Variants in CHDH observed in about 807,000 individuals in gnomAD.
The protein encoded by CHDH is choline dehydrogenase.
A neutral mutation model predicts 56.9 loss-of-function variants in CHDH; 43 were observed. That is an observed-to-expected ratio of 0.76 (90% CI 0.59 to 0.97). The LOEUF (loss-of-function observed/expected upper bound fraction) is 0.97. Among genes scored for constraint, CHDH ranks in the 50% least tolerant of loss-of-function variants. CHDH has a pLI of 0.00. For missense variants in CHDH, 816 were observed against 821.1 expected, an observed-to-expected ratio of 0.99 and a Z score of 0.08; for synonymous variants, 364 against 348.5, an observed-to-expected ratio of 1.04 and a Z score of -0.50.
At chr3:53,823,257 G>A (rs552634339) in intron 3 of CHDH, 49 bp downstream of exon 3, 3 of 1,427,142 alleles carry the variant, frequency 2.1e-6, no homozygotes, top group Admixed American at 2.7e-5. Flanking sequence ...ATGGGTGGGG[G>A]CTGGGGTAGG....
In CHDH at chr3:53,820,615, C is replaced by T. The variant is rs376665893; in HGVS notation, c.986-7G>A. On this transcript the variant is annotated splice_region_variant and splice_polypyrimidine_tract_variant and intron_variant, in intron 5 of 8. Coordinates refer to ENST00000315251, the MANE Select transcript of CHDH (RefSeq NM_018397.5). The stretch of plus-strand genomic sequence containing the variant: ...TGCAGGTTCTGGCCAACCCCTGATA[C>T]GGGAAGGAGTGGTTTAGAAAATGGC... 3.1e-5 allele frequency: 50 copies of T among 1,607,828 alleles called. No homozygotes were observed. The highest frequency in any genetic ancestry group is 9.4e-5 in the African/African-American group (7 of 74,716).
chr3:53,846,395 A>T lies in CHDH; in HGVS notation c.-443T>A. On this transcript the variant is annotated 5_prime_UTR_variant, in exon 1 of 9. The change abolishes an upstream ATG in the 5' untranslated region. Coordinates refer to ENST00000315251, the MANE Select transcript of CHDH (RefSeq NM_018397.5). ...CTCCGCCAGCGCTCGGACACGGCCC[A>T]TCCCTCCGAGCCCCAGCAGGCGAGG... is the stretch of plus-strand genomic sequence containing the variant. 1 of 538,812 alleles carries T rather than the reference A, an allele frequency of 1.9e-6. No homozygotes were observed. The highest frequency in any genetic ancestry group is 3.1e-6 in the Non-Finnish European group (1 of 321,244). The allele number at this position is 538,812 out of a possible 1,614,324, so 33.4% of individuals were successfully genotyped here. A position where few individuals can be genotyped will look rare whatever the true frequency, so the allele number is the denominator to read the frequency against.
intron 8 of CHDH, 43 bp from the exon 9 acceptor site, chr3:53,818,238 G>A (rs756549237): frequency 7.3e-6 from 11 of 1,514,456 alleles, no homozygotes; most frequent in Admixed American, 4.2e-5. Context: ...CCTTTTGCCC[G>A]TGCTGGCCTC....
chr3:53,833,792 A>T (rs1698412774), intron 2 of CHDH, among the ~76,000 whole-genome samples: 1 of 152,076 alleles, frequency 6.6e-6, no homozygotes, highest in Non-Finnish European at 1.5e-5. Flanking sequence ...TTGCCAACTG[A>T]CAAGCACGAG....
chr3:53,823,792 C>T lies in CHDH; in HGVS notation c.217G>A (p.Gly73Arg), dbSNP rs745530620. The stretch of plus-strand genomic sequence containing the variant: ...CTCCCCGCGAGCACGTCCTTGGGCC[C>T]GGCCTCCAGCAGCAGCACGCGCTCG... ...PAERVLLLEA[G>R]PKDVLAGSKR... is the part of the protein sequence containing the mutation. Residue 73 changes from glycine to arginine, a missense_variant, in exon 3 of 9, where the codon GGG becomes AGG. By Grantham distance (125) the Gly-to-Arg change is moderately radical. Transcript: ENST00000315251. 6.3e-7 allele frequency: 1 copy of T among 1,576,554 alleles called. No individual in the cohort carries two copies. The highest frequency in any genetic ancestry group is 8.6e-7 in the Non-Finnish European group (1 of 1,164,846).
intron 8 of CHDH, 36 bp from the exon 9 acceptor site, chr3:53,818,231 T>C: frequency 6.5e-7 from 1 of 1,545,848 alleles, no homozygotes; most frequent in Non-Finnish European, 8.7e-7. Context: ...GACCCCTCCT[T>C]TTGCCCGTGC....
At chr3:53,834,648 G>T (rs375091117) in intron 2 of CHDH, among the ~76,000 whole-genome samples, 1 of 152,194 alleles carries the variant, frequency 6.6e-6, no homozygotes, top group Non-Finnish European at 1.5e-5. Flanking sequence ...CACCATTCCA[G>T]GAGTACCCAT....
intron 2 of CHDH, among the ~76,000 whole-genome samples, chr3:53,838,155 C>T (rs1236205748): frequency 1.3e-5 from 2 of 152,066 alleles, no homozygotes; most frequent in East Asian, 1.9e-4. Flanking sequence ...CGCTCAACCT[C>T]CACGGATGGC....
In CHDH at chr3:53,824,039, C is replaced by A. The variant is rs1341337040; in HGVS notation, c.-31G>T. On this transcript the variant is annotated 5_prime_UTR_variant, in exon 3 of 9. Coordinates refer to ENST00000315251, the MANE Select transcript of CHDH (RefSeq NM_018397.5). ...TATCTAGTCCAAGTCCTCTGATCCA[C>A]GGAGGGGAATGAGATGACTCACTTC... 5.6e-6 allele frequency: 8 copies of A among 1,420,782 alleles called. No homozygotes were observed. The highest frequency in any genetic ancestry group is 7.3e-6 in the Non-Finnish European group (8 of 1,094,458). 88.0% of individuals were successfully genotyped at this position (1,420,782 alleles called of 1,614,324 possible). A position where few individuals can be genotyped will look rare whatever the true frequency, so the allele number is the denominator to read the frequency against.
intron 2 of CHDH, among the ~76,000 whole-genome samples, chr3:53,828,606 C>A (rs1017377090): frequency 2.6e-4 from 40 of 152,176 alleles, no homozygotes; most frequent in Admixed American, 5.9e-4. Flanking sequence ...AGACACCTCA[C>A]TAAAGAAGAC....
At chr3:53,818,804 G>A (rs1009706665) in intron 8 of CHDH, 134 bp downstream of exon 8, 1 of 717,904 alleles carries the variant, frequency 1.4e-6, no homozygotes, top group African/African-American at 1.7e-5. Flanking sequence ...AGCCTAAAGT[G>A]ACACGGTGGG....
chr3:53,846,116 G>A lies in CHDH; in HGVS notation c.-164C>T, dbSNP rs1698872625. On this transcript the variant is annotated 5_prime_UTR_variant, in exon 1 of 9. Transcript: ENST00000315251. Reference sequence around the variant, plus strand: ...ACTCGGCCGAGAGCCCGACAGTCGGGACCGGAGCGGGAGGAGCGGGTGGCC... The same window carrying A: ...ACTCGGCCGAGAGCCCGACAGTCGGAACCGGAGCGGGAGGAGCGGGTGGCC... The A allele has an allele frequency of 6.5e-6, 1 of 152,870 alleles. No homozygotes were observed. Among genetic ancestry groups the A allele is most frequent in the African/African-American group, 2.4e-5 (1 of 41,470 alleles). 9.5% of individuals were successfully genotyped at this position (152,870 alleles called of 1,614,324 possible). A position where few individuals can be genotyped will look rare whatever the true frequency, so the allele number is the denominator to read the frequency against.
chr3:53,819,752 T>C lies in CHDH; in HGVS notation c.1121-78A>G. ...GGCCGGCTGCTCCTGGTTTCCCTCCTTTCTCCTGGCCGCTCCTCTTCCTTT... is the reference window on the plus strand; with the variant it reads ...GGCCGGCTGCTCCTGGTTTCCCTCCCTTCTCCTGGCCGCTCCTCTTCCTTT... On this transcript the variant is annotated intron_variant, in intron 6 of 8. Coordinates refer to ENST00000315251, the MANE Select transcript of CHDH (RefSeq NM_018397.5). The surrounding 1 kb of genome is among the most constrained non-coding windows in gnomAD (Gnocchi z 5.4). The C allele has an allele frequency of 6.9e-7, 1 of 1,452,586 alleles. No homozygotes were observed. Among genetic ancestry groups the C allele is most frequent in the East Asian group, 2.5e-5 (1 of 39,226 alleles). 90.0% of individuals were successfully genotyped at this position (1,452,586 alleles called of 1,614,324 possible).
In CHDH at chr3:53,819,465, TGGGA is replaced by T; in HGVS notation, c.1263+63_1263+66del. On this transcript the variant is annotated intron_variant, in intron 7 of 8. Transcript: ENST00000315251. The surrounding 1 kb of genome is among the most constrained non-coding windows in gnomAD (Gnocchi z 5.4). ...CCAGGGAGAATGCTGCCTTGGAAGA[TGGGA>T]GCATCTTCCTTCCTGGTGGGAAGGA... 1 of 1,544,356 alleles carries T rather than the reference TGGGA, an allele frequency of 6.5e-7. No homozygotes were observed. The highest frequency in any genetic ancestry group is 1.3e-5 in the South Asian group (1 of 79,690).
chr3:53,839,306 C>T (rs1698601125), intron 2 of CHDH, among the ~76,000 whole-genome samples: 1 of 152,208 alleles, frequency 6.6e-6, no homozygotes, highest in South Asian at 2.1e-4. Context: ...GTCAGAGCAA[C>T]TTGCAAAGGT....
intron 5 of CHDH, 99 bp downstream of exon 5, chr3:53,821,548 A>T: frequency 9.3e-7 from 1 of 1,071,296 alleles, no homozygotes; most frequent in Non-Finnish European, 1.4e-6. Flanking sequence ...AGGATCACTG[A>T]CTGCCACCAC....
chr3:53,824,298 G>A (rs1201937124), intron 2 of CHDH, among the ~76,000 whole-genome samples: 1 of 152,250 alleles, frequency 6.6e-6, no homozygotes, highest in Non-Finnish European at 1.5e-5. Flanking sequence ...CCCAACTGAG[G>A]GGTAAAATGC....
In CHDH at chr3:53,817,882, T is replaced by A. The variant is rs746030795; in HGVS notation, c.1680A>T (p.Thr560=). Residue 560 remains threonine, a synonymous_variant, in exon 9 of 9, where the codon ACA becomes ACT. Coordinates refer to ENST00000315251, the MANE Select transcript of CHDH (RefSeq NM_018397.5). The part of the protein sequence containing the change: ...SMVSGNLNAP[T]IMIAEKAADI... Reference sequence around the variant, plus strand: ...CAGCTGCCTTCTCTGCGATCATGATTGTGGGGGCGTTCAGGTTGCCGCTGA... The same window carrying A: ...CAGCTGCCTTCTCTGCGATCATGATAGTGGGGGCGTTCAGGTTGCCGCTGA... The A allele has an allele frequency of 6.2e-7, 1 of 1,614,152 alleles. No homozygotes were observed. The highest frequency in any genetic ancestry group is 1.7e-5 in the Admixed American group (1 of 60,026).
intron 6 of CHDH, among the ~76,000 whole-genome samples, chr3:53,820,220 C>T (rs1010714858): frequency 2.0e-5 from 3 of 152,192 alleles, no homozygotes; most frequent in Non-Finnish European, 2.9e-5. Context: ...CCCTAAGCCC[C>T]GAGGAGTCTC....
Sources: allele counts gnomAD v4.1 joint callset (sites outside exome capture counted in the v4.1 genomes callset), GRCh38; gene constraint gnomAD v4.1.1; non-coding constraint Gnocchi (gnomAD v3.1); transcripts MANE v1.5; gene names NCBI Gene and HGNC (gene_info 2026-07-23, HGNC 2026-07-21).